The following CNNM2 variants were observed in gnomAD, a reference collection of about 807,000 sequenced individuals.
CNNM2 encodes cyclin and CBS domain divalent metal cation transport mediator 2, also known as metal transporter CNNM2.
In CNNM2, 12 loss-of-function variants were observed where a neutral mutation model predicts 66.9. The observed-to-expected ratio is 0.18, with a 90% CI of 0.11 to 0.29. CNNM2 has a LOEUF of 0.29. Among genes scored for constraint, CNNM2 ranks in the 10% least tolerant of loss-of-function variants. The probability of loss-of-function intolerance (pLI) is 1.00; values close to 1 mark genes in which losing one functional copy is unlikely to be tolerated. For missense variants in CNNM2, 705 were observed against 1,167.7 expected (o/e 0.60, Z 5.77); for synonymous variants, 557 against 501.8 (o/e 1.11, Z -1.47).
chr10:102,953,733 GTATTTCTGGTA>G (rs1846926825), intron 1 of CNNM2, among the ~76,000 whole-genome samples: 1 of 151,634 alleles, frequency 6.6e-6, no homozygotes, highest in Non-Finnish European at 1.5e-5. Context: ...CTAATTTTCT[GTATTTCTGGTA>G]GAGACTGGGT....
Position 103,032,491 on chromosome 10 carries a change from A to G in CNNM2, c.1622-17216A>G, listed in dbSNP as rs12780440. ...ATTACCCTGTAGAATGCAAATTTTT[A>G]ACAGTACTGCAAATTTCATCCAGAA... is the stretch of plus-strand genomic sequence containing the variant. On this transcript the variant is annotated intron_variant, in intron 1 of 7. Coordinates refer to ENST00000369878, the MANE Select transcript of CNNM2 (RefSeq NM_017649.5). 0.21 allele frequency among the ~76,000 whole-genome samples: 30,820 copies of G among 149,492 alleles called. 3,256 individuals carry two copies. The highest frequency in any genetic ancestry group is 0.22 in the Non-Finnish European group (14,959 of 67,290).
rs940320627 is a variant in CNNM2 at position 103,054,143 on chromosome 10, C to T, written c.1766-186C>T. Among the ~76,000 whole-genome samples, 5 of 152,132 alleles carry T rather than the reference C, an allele frequency of 3.3e-5. No individual in the cohort carries two copies. The highest frequency in any genetic ancestry group is 4.8e-5 in the African/African-American group (2 of 41,412). ...GCTGCGGACTGCGTGGTGCCCAGGC[C>T]GCCGTGCTGATTTGATGAGGATCTG... On this transcript the variant is annotated intron_variant, in intron 2 of 7. Coordinates refer to ENST00000369878, the MANE Select transcript of CNNM2 (RefSeq NM_017649.5). The surrounding 1 kb of genome is among the most constrained non-coding windows in gnomAD (Gnocchi z 5.2).
rs1386775028 is a variant in CNNM2, at chr10:103,056,718, C to T, written c.1904-77C>T. 1.5e-5 allele frequency: 20 copies of T among 1,338,484 alleles called. No individual in the cohort carries two copies. The Admixed American group carries it at 1.7e-4, about 12-fold the overall frequency. 82.9% of individuals were successfully genotyped at this position (1,338,484 alleles called of 1,614,324 possible). A position where few individuals can be genotyped will look rare whatever the true frequency, so the allele number is the denominator to read the frequency against. ...TTGATTCCAAGTATTCTTATCTAAACACCTCAATTACTATTAATAGTATAA... is the reference window on the plus strand; with the variant it reads ...TTGATTCCAAGTATTCTTATCTAAATACCTCAATTACTATTAATAGTATAA... On this transcript the variant is annotated intron_variant, in intron 3 of 7. Coordinates refer to ENST00000369878, the MANE Select transcript of CNNM2 (RefSeq NM_017649.5).
intron 6 of CNNM2, among the ~76,000 whole-genome samples, chr10:103,073,530 C>T (rs895034362): frequency 1.3e-5 from 2 of 151,936 alleles, no homozygotes; most frequent in Non-Finnish European, 2.9e-5. Flanking sequence ...ATGGGGTGGG[C>T]GCATGGTGGC....
At position 102,960,066 on chromosome 10, in the gene CNNM2, T is replaced by C. The variant is rs140818007; in HGVS notation, c.1621+39965T>C. On this transcript the variant is annotated intron_variant, in intron 1 of 7. Coordinates refer to ENST00000369878, the MANE Select transcript of CNNM2 (RefSeq NM_017649.5). ...GACTCTGTCTCAAAAAAATAAAAAA[T>C]AAATAAATAAATAAATAAATAAAAT... 3.6e-3 allele frequency among the ~76,000 whole-genome samples: 542 copies of C among 150,922 alleles called. 3 individuals are homozygous for C. The highest frequency in any genetic ancestry group is 0.013 in the African/African-American group (529 of 41,050).
At chr10:103,072,915 G>A (rs1417776694) in intron 6 of CNNM2, among the ~76,000 whole-genome samples, 6 of 152,236 alleles carry the variant, frequency 3.9e-5, no homozygotes, top group Non-Finnish European at 5.9e-5. Flanking sequence ...TGCTGGTGGT[G>A]TATGTAACAT....
intron 1 of CNNM2, among the ~76,000 whole-genome samples, chr10:103,044,787 A>T (rs966595412): frequency 6.6e-6 from 1 of 152,244 alleles, no homozygotes; most frequent in Non-Finnish European, 1.5e-5. Flanking sequence ...CCTGGGGCAG[A>T]TGGAGAAGTT....
intron 1 of CNNM2, among the ~76,000 whole-genome samples, chr10:102,963,149 C>A (rs2063410394): frequency 6.6e-6 from 1 of 152,100 alleles, no homozygotes; most frequent in South Asian, 2.1e-4. Context: ...TTCATCAATT[C>A]TAGGAAAACA....
At chr10:103,048,360 C>T (rs751947642) in intron 1 of CNNM2, among the ~76,000 whole-genome samples, 55 of 152,070 alleles carry the variant, frequency 3.6e-4, no homozygotes, top group Non-Finnish European at 6.9e-4. Flanking sequence ...GAATCACAGG[C>T]ACACACCACC....
intron 1 of CNNM2, among the ~76,000 whole-genome samples, chr10:102,999,237 A>ATTTT (rs776992441): frequency 2.3e-5 from 3 of 128,924 alleles, no homozygotes; most frequent in Admixed American, 8.1e-5. Context: ...TGCCCGGCTA[A>ATTTT]TTTTTTTTTT....
At chr10:102,985,341 A>G (rs998201250) in intron 1 of CNNM2, among the ~76,000 whole-genome samples, 4 of 152,290 alleles carry the variant, frequency 2.6e-5, no homozygotes, top group Middle Eastern at 3.4e-3. Context: ...AAAATTCTTT[A>G]AAAAGAATTT....
intron 5 of CNNM2, among the ~76,000 whole-genome samples, chr10:103,071,091 C>T (rs1379154497): frequency 6.6e-6 from 1 of 152,150 alleles, no homozygotes; most frequent in African/African-American, 2.4e-5. Flanking sequence ...TATTGATGTT[C>T]GCTGTCTGGG....
At chr10:102,973,283 CT>C (rs1030712708) in intron 1 of CNNM2, among the ~76,000 whole-genome samples, 129 of 147,168 alleles carry the variant, frequency 8.8e-4, no homozygotes, top group Non-Finnish European at 1.5e-3. Flanking sequence ...TATGCAATAA[CT>C]TTTTTTTTTT....
At chr10:102,982,951 A>T (rs925094397) in intron 1 of CNNM2, among the ~76,000 whole-genome samples, 2 of 152,240 alleles carry the variant, frequency 1.3e-5, no homozygotes, top group African/African-American at 4.8e-5. Flanking sequence ...AAGTGAACAG[A>T]ACTGAATATT....
intron 1 of CNNM2, among the ~76,000 whole-genome samples, chr10:103,000,106 G>A (rs1339738059): frequency 6.6e-6 from 1 of 152,016 alleles, no homozygotes; most frequent in Non-Finnish European, 1.5e-5. Context: ...TGTGGTGGCA[G>A]GCACCTATAA....
intron 1 of CNNM2, among the ~76,000 whole-genome samples, chr10:102,951,640 C>CTT (rs759271515): frequency 3.9e-5 from 5 of 129,448 alleles, no homozygotes; most frequent in African/African-American, 5.7e-5. Context: ...TTTTTTTTTT[C>CTT]TTTTTTTTTT....
Position 102,926,746 on chromosome 10 carries a change from C to T in CNNM2, c.1621+6645C>T, listed in dbSNP as rs180957707. ...TTTTTTTTTTTTTGAGATGGAGTCT[C>T]GCACTGTTGCCCAGGCTGGAGTGCA... is the stretch of plus-strand genomic sequence containing the variant. On this transcript the variant is annotated intron_variant, in intron 1 of 7. Coordinates refer to ENST00000369878, the MANE Select transcript of CNNM2 (RefSeq NM_017649.5). 1.3e-3 allele frequency among the ~76,000 whole-genome samples: 174 copies of T among 134,726 alleles called. 1 individual carries two copies. Among genetic ancestry groups the T allele is most frequent in the Non-Finnish European group, 2.1e-3 (134 of 63,780 alleles). The allele number at this position is 134,726 out of a possible 152,430, so 88.4% of individuals were successfully genotyped here. A position where few individuals can be genotyped will look rare whatever the true frequency, so the allele number is the denominator to read the frequency against.
chr10:103,073,928 G>T (rs2065645185), intron 6 of CNNM2, among the ~76,000 whole-genome samples: 1 of 150,826 alleles, frequency 6.6e-6, no homozygotes, highest in African/African-American at 2.4e-5. Context: ...CACTTATGGG[G>T]TACCTACTGT....
intron 1 of CNNM2, among the ~76,000 whole-genome samples, chr10:102,930,803 C>G (rs1387465344): frequency 6.6e-6 from 1 of 152,062 alleles, no homozygotes; most frequent in Non-Finnish European, 1.5e-5. Flanking sequence ...TGAAATGTGG[C>G]CTTTTGTGGC....
Sources: gnomAD v4.1 joint callset for allele counts (sites outside exome capture counted in the v4.1 genomes callset) on GRCh38, gnomAD v4.1.1 for gene constraint, Gnocchi (gnomAD v3.1) non-coding constraint, MANE v1.5 for transcripts, NCBI Gene and HGNC (gene_info 2026-07-23, HGNC 2026-07-21) for gene names.